ZDHHC17: variants seen among roughly 807,000 people sequenced by gnomAD.
ZDHHC17 encodes the protein palmitoyltransferase ZDHHC17.
Under a neutral mutation model 90.3 loss-of-function variants are expected in ZDHHC17, and 40 were observed. That is an observed-to-expected ratio of 0.44 (90% CI 0.34 to 0.58). ZDHHC17 has a LOEUF of 0.58. Among genes scored for constraint, ZDHHC17 ranks in the 20% least tolerant of loss-of-function variants. The pLI, the probability that ZDHHC17 is intolerant of heterozygous loss-of-function variation, is 0.01. For missense variants in ZDHHC17, 614 were observed against 780.8 expected, an observed-to-expected ratio of 0.79 and a Z score of 2.55; for synonymous variants, 235 against 252.4, an observed-to-expected ratio of 0.93 and a Z score of 0.65.
At chr12:76,799,833 C>T (rs11115473) in intron 2 of ZDHHC17, among the ~76,000 whole-genome samples, 1,680 of 152,210 alleles carry the variant, frequency 0.011, 11 homozygotes, top group Non-Finnish European at 0.017. Context: ...TTCAAAATGC[C>T]TGGGACCAGA....
At chr12:76,815,828 T>A in intron 6 of ZDHHC17, 29 bp from the exon 7 acceptor site, 1 of 1,461,740 alleles carries the variant, frequency 6.8e-7, no homozygotes, top group Non-Finnish European at 9.1e-7. Flanking sequence ...TTGTTGTTGT[T>A]GTTTGTTTTT....
chr12:76,820,347 A>G (rs1055064242), intron 7 of ZDHHC17, among the ~76,000 whole-genome samples: 1 of 152,220 alleles, frequency 6.6e-6, no homozygotes. Flanking sequence ...AAGAATAAAA[A>G]ACAAAACACA....
chr12:76,771,411 A>G (rs931286176), intron 1 of ZDHHC17, among the ~76,000 whole-genome samples: 8 of 152,228 alleles, frequency 5.3e-5, no homozygotes, highest in Admixed American at 3.9e-4. Flanking sequence ...CATACTAAAC[A>G]TAATAGAATC....
chr12:76,829,143 G>T (rs949695938), intron 10 of ZDHHC17, among the ~76,000 whole-genome samples: 2 of 152,098 alleles, frequency 1.3e-5, no homozygotes, highest in Non-Finnish European at 2.9e-5. Context: ...AAAACAGTAT[G>T]GCGATTTCTC....
At position 76,851,196 on chromosome 12, in the gene ZDHHC17, TA is replaced by T. The variant is rs529702484; in HGVS notation, c.*217del. 5.7e-6 allele frequency: 3 copies of T among 526,598 alleles called. No individual in the cohort carries two copies. Among genetic ancestry groups the T allele is most frequent in the Non-Finnish European group, 9.5e-6 (3 of 314,894 alleles). 32.6% of individuals were successfully genotyped at this position (526,598 alleles called of 1,614,324 possible). A position where few individuals can be genotyped will look rare whatever the true frequency, so the allele number is the denominator to read the frequency against. On this transcript the variant is annotated 3_prime_UTR_variant, in exon 17 of 17. Transcript: ENST00000426126. ...CCATTTCTGGGAAGAGTAAAGATGA[TA>T]AAAAATAATTTTAATGGTTCTTAAT...
chr12:76,809,886 T>C (rs368623571), intron 5 of ZDHHC17, 29 bp downstream of exon 5: 9 of 1,596,312 alleles, frequency 5.6e-6, no homozygotes, highest in African/African-American at 4.0e-5. Flanking sequence ...GTATGGATTT[T>C]AATCAGATGT....
At chr12:76,775,693 A>G (rs2137716881) in intron 1 of ZDHHC17, among the ~76,000 whole-genome samples, 1 of 152,300 alleles carries the variant, frequency 6.6e-6, no homozygotes, top group East Asian at 1.9e-4. Context: ...ATTTTATGAA[A>G]TTCTGTCTCT....
chr12:76,800,539 A>G (rs774477554), intron 2 of ZDHHC17, among the ~76,000 whole-genome samples: 9 of 152,196 alleles, frequency 5.9e-5, no homozygotes, highest in Admixed American at 5.2e-4. Flanking sequence ...TAAATGTTCA[A>G]TGCTTTTAAT....
chr12:76,779,325 G>A (rs1952597674), intron 1 of ZDHHC17, among the ~76,000 whole-genome samples: 1 of 152,128 alleles, frequency 6.6e-6, no homozygotes, highest in African/African-American at 2.4e-5. Context: ...CCAAGACGGG[G>A]TACTTTATAA....
intron 1 of ZDHHC17, among the ~76,000 whole-genome samples, chr12:76,772,535 GT>G (rs34950061): frequency 0.77 from 75,992 of 98,418 alleles, 28,551 homozygotes; most frequent in South Asian, 0.88. Context: ...CTTAACACTT[GT>G]TTTTTTTTTT....
chr12:76,827,517 C>T (rs902328987), intron 9 of ZDHHC17, among the ~76,000 whole-genome samples: 1 of 151,900 alleles, frequency 6.6e-6, no homozygotes, highest in Admixed American at 6.6e-5. Flanking sequence ...TTATTTTCTC[C>T]CTCTTTTTTC....
intron 7 of ZDHHC17, among the ~76,000 whole-genome samples, chr12:76,820,084 G>T (rs1425191914): frequency 6.6e-6 from 1 of 151,688 alleles, no homozygotes; most frequent in Non-Finnish European, 1.5e-5. Flanking sequence ...AGGAATAGCT[G>T]TATACCCTAG....
At chr12:76,819,056 G>T (rs1282282881) in intron 7 of ZDHHC17, among the ~76,000 whole-genome samples, 1 of 152,156 alleles carries the variant, frequency 6.6e-6, no homozygotes, top group Non-Finnish European at 1.5e-5. Context: ...ATATTTTAAA[G>T]TAGAAATAAG....
At chr12:76,820,749 C>G (rs1592487214) in intron 7 of ZDHHC17, among the ~76,000 whole-genome samples, 1 of 152,092 alleles carries the variant, frequency 6.6e-6, no homozygotes, top group East Asian at 1.9e-4. Flanking sequence ...GTTGAGTGAT[C>G]TTACCCCCAA....
chr12:76,825,619 A>G (rs905296681), intron 8 of ZDHHC17, among the ~76,000 whole-genome samples: 1 of 152,186 alleles, frequency 6.6e-6, no homozygotes, highest in Non-Finnish European at 1.5e-5. Flanking sequence ...TTAAAATTAC[A>G]CATTTAGTTC....
At chr12:76,833,366 T>C (rs1402419017) in intron 10 of ZDHHC17, among the ~76,000 whole-genome samples, 3 of 152,234 alleles carry the variant, frequency 2.0e-5, no homozygotes, top group Non-Finnish European at 2.9e-5. Context: ...ATTAAGAGTT[T>C]GGTGTTGGAT....
At chr12:76,817,169 G>C (rs934472805) in intron 7 of ZDHHC17, among the ~76,000 whole-genome samples, 1 of 152,000 alleles carries the variant, frequency 6.6e-6, no homozygotes, top group African/African-American at 2.4e-5. Context: ...TTTGCTTTTT[G>C]AATGTTTTTA....
chr12:76,797,493 T>G lies in ZDHHC17; in HGVS notation c.153T>G (p.Thr51=). 1 of 1,611,692 alleles carries G rather than the reference T, an allele frequency of 6.2e-7. No individual in the cohort carries two copies. The change falls in exon 2 of 17, where the codon ACT becomes ACG. Residue 51 remains threonine, a synonymous_variant. Coordinates refer to ENST00000426126, the MANE Select transcript of ZDHHC17 (RefSeq NM_015336.4). ...ATGGTGAACCTCTTGGACGGAAAAC[T>G]CATATTGATGATTACAGCACATGGG... ...HGYGEPLGRK[T]HIDDYSTWDI...
chr12:76,833,625 T>A (rs923893304), intron 10 of ZDHHC17, among the ~76,000 whole-genome samples: 1 of 151,800 alleles, frequency 6.6e-6, no homozygotes, highest in Non-Finnish European at 1.5e-5. Context: ...ACCCCGTCTC[T>A]ACTAAAAATA....
Sources: allele counts gnomAD v4.1 joint callset (sites outside exome capture counted in the v4.1 genomes callset), GRCh38; gene constraint gnomAD v4.1.1; transcripts MANE v1.5; gene names NCBI Gene and HGNC (gene_info 2026-07-23, HGNC 2026-07-21).